Variants in CUX1 observed in about 807,000 individuals in gnomAD.
CUX1 encodes protein CASP.
Under a neutral mutation model 158.8 loss-of-function variants are expected in CUX1, and 31 were observed. The observed-to-expected ratio is 0.20, with a 90% CI of 0.15 to 0.26. CUX1 has a LOEUF of 0.26. Ranked by LOEUF, CUX1 falls within the 10% of genes least tolerant of loss-of-function variation. The pLI, the probability that CUX1 is intolerant of heterozygous loss-of-function variation, is 1.00. For synonymous variants in CUX1, 879 were observed against 862.1 expected (o/e 1.02, Z -0.34); for missense variants, 1,589 against 2,014.6 (o/e 0.79, Z 4.04).
intron 2 of CUX1, among the ~76,000 whole-genome samples, chr7:101,951,754 G>C (rs760586181): frequency 6.6e-6 from 1 of 152,164 alleles, no homozygotes; most frequent in Admixed American, 6.5e-5. Context: ...TGATCCGCCC[G>C]CATCGGCCTC....
At chr7:102,199,217 C>T (rs1357080623) in intron 16 of CUX1, among the ~76,000 whole-genome samples, 1 of 152,224 alleles carries the variant, frequency 6.6e-6, no homozygotes, top group African/African-American at 2.4e-5. Context: ...GGTGACCCGT[C>T]AAATTAAATA....
At chr7:102,186,311 C>T (rs1793613210) in intron 11 of CUX1, among the ~76,000 whole-genome samples, 1 of 152,096 alleles carries the variant, frequency 6.6e-6, no homozygotes, top group Admixed American at 6.6e-5. Flanking sequence ...GCCAAGCAGC[C>T]TCCCCTAGGC....
intron 2 of CUX1, among the ~76,000 whole-genome samples, chr7:102,022,971 T>C (rs1437265486): frequency 6.6e-6 from 1 of 152,102 alleles, no homozygotes; most frequent in Non-Finnish European, 1.5e-5. Flanking sequence ...TCCCAGCACT[T>C]TGGGAGGCCG....
rs1791515327 is a variant in CUX1 at position 102,275,118 on chromosome 7, A to G, written c.1451-129A>G. ...CCGACCTGCCCAGCACCAGGGAGTC[A>G]GACACCATGTGGCTTCTACCCCATG... On this transcript the variant is annotated intron_variant, in intron 16 of 22. Coordinates refer to the CUX1 transcript ENST00000292538. 4 of 659,584 alleles carry G rather than the reference A, an allele frequency of 6.1e-6. No individual in the cohort carries two copies. In the Admixed American group the frequency reaches 8.4e-5, roughly 14 times the overall value. The allele number at this position is 659,584 out of a possible 1,614,324, so 40.9% of individuals were successfully genotyped here.
At position 101,817,639 on chromosome 7, in the gene CUX1, G is replaced by T; in HGVS notation, c.-1G>T. The stretch of plus-strand genomic sequence containing the variant: ...GACAGCCCCGGGACTCTGCCAGGTG[G>T]ATGTTGTGCGTAGCCGGAGCCAGGT... On this transcript the variant is annotated 5_prime_UTR_variant, in exon 1 of 24. Coordinates refer to ENST00000292535, the MANE Select transcript of CUX1 (RefSeq NM_181552.4). This position sits in a 1 kb window ranked among gnomAD's most constrained non-coding sequence, Gnocchi z 4.1. 6.4e-7 allele frequency: 1 copy of T among 1,551,564 alleles called. No individual in the cohort carries two copies. Among genetic ancestry groups the T allele is most frequent in the Non-Finnish European group, 8.7e-7 (1 of 1,147,534 alleles).
At chr7:101,973,061 C>G (rs999147742) in intron 2 of CUX1, among the ~76,000 whole-genome samples, 1 of 152,192 alleles carries the variant, frequency 6.6e-6, no homozygotes. Context: ...GCCGAAATCC[C>G]CGCATGCACC....
Position 101,916,031 on chromosome 7 carries a change from T to C in CUX1, c.31-84T>C, listed in dbSNP as rs868025598. ...AGAGCCACTGGGGTCTCTCCCCCAG[T>C]GTTCTGGTCAAATGCAAATAGGACC... is the stretch of plus-strand genomic sequence containing the variant. On this transcript the variant is annotated intron_variant, in intron 1 of 23. Transcript: ENST00000292535. The surrounding 1 kb of genome is among the most constrained non-coding windows in gnomAD (Gnocchi z 4.4). 6.2e-5 allele frequency: 57 copies of C among 924,226 alleles called. No individual in the cohort carries two copies. In the Middle Eastern group the frequency reaches 2.6e-3, roughly 42 times the overall value. 57.3% of individuals were successfully genotyped at this position (924,226 alleles called of 1,614,324 possible).
At chr7:102,043,377 C>T (rs1180384721) in intron 3 of CUX1, among the ~76,000 whole-genome samples, 3 of 126,638 alleles carry the variant, frequency 2.4e-5, no homozygotes, top group African/African-American at 5.8e-5. Context: ...GTGTTGAGAA[C>T]ACTTGAGATC....
chr7:102,148,160 G>A (rs920304838), intron 8 of CUX1, among the ~76,000 whole-genome samples: 7 of 152,154 alleles, frequency 4.6e-5, no homozygotes, highest in Non-Finnish European at 8.8e-5. Flanking sequence ...GAGTGTGGCT[G>A]TGGAGAGGCC....
intron 1 of CUX1, among the ~76,000 whole-genome samples, chr7:101,853,500 T>G (rs1796481994): frequency 6.6e-6 from 1 of 152,150 alleles, no homozygotes. Flanking sequence ...TTTCCCTCTT[T>G]GTTTTGGTCC....
intron 3 of CUX1, among the ~76,000 whole-genome samples, chr7:102,051,164 G>A (rs1823447505): frequency 6.6e-6 from 1 of 152,046 alleles, no homozygotes; most frequent in African/African-American, 2.4e-5. Flanking sequence ...GCAGGTCCCT[G>A]CCCTTCTCTG....
chr7:102,006,126 CT>C (rs1272892694), intron 2 of CUX1, among the ~76,000 whole-genome samples: 3 of 152,150 alleles, frequency 2.0e-5, no homozygotes. Flanking sequence ...AGAGAGCTGC[CT>C]GGGGTTTCCC....
Position 102,248,277 on chromosome 7 carries a change from C to A in CUX1, c.3888-135C>A. 1.3e-6 allele frequency: 1 copy of A among 781,340 alleles called. No individual in the cohort carries two copies. The highest frequency in any genetic ancestry group is 1.9e-6 in the Non-Finnish European group (1 of 520,224). The allele number at this position is 781,340 out of a possible 1,614,324, so 48.4% of individuals were successfully genotyped here. A position where few individuals can be genotyped will look rare whatever the true frequency, so the allele number is the denominator to read the frequency against. On this transcript the variant is annotated intron_variant, in intron 23 of 23. Transcript: ENST00000292535. The surrounding 1 kb of genome is among the most constrained non-coding windows in gnomAD (Gnocchi z 5.8). ...AGGGGCTGCCCCGTGGCCCGAGGGT[C>A]GCTGGAGGGGCACGGAGGGGCCTCC...
At chr7:102,034,746 C>T (rs1354024505) in intron 3 of CUX1, among the ~76,000 whole-genome samples, 1 of 85,964 alleles carries the variant, frequency 1.2e-5, no homozygotes, top group Non-Finnish European at 2.2e-5. Context: ...AGAGAGACTC[C>T]GTCTCAAAAA....
intron 2 of CUX1, among the ~76,000 whole-genome samples, chr7:101,988,586 G>A (rs1388134914): frequency 6.6e-6 from 1 of 152,028 alleles, no homozygotes; most frequent in African/African-American, 2.4e-5. Context: ...CTTCTCTGGG[G>A]TATGTCCTCG....
At chr7:102,119,337 C>G (rs1443965997) in intron 8 of CUX1, among the ~76,000 whole-genome samples, 3 of 152,142 alleles carry the variant, frequency 2.0e-5, no homozygotes, top group Non-Finnish European at 4.4e-5. Flanking sequence ...GAGGCTGCTC[C>G]GAGACCCCGG....
intron 4 of CUX1, among the ~76,000 whole-genome samples, chr7:102,085,917 T>G (rs1284154601): frequency 6.6e-6 from 1 of 152,216 alleles, no homozygotes; most frequent in African/African-American, 2.4e-5. Context: ...TATGGCAAGT[T>G]TTTAAATTAC....
intron 8 of CUX1, among the ~76,000 whole-genome samples, chr7:102,117,476 G>A: frequency 6.6e-6 from 1 of 151,608 alleles, no homozygotes; most frequent in East Asian, 1.9e-4. Flanking sequence ...GTACCGGCAG[G>A]GTTTCCACGC....
At position 102,250,523 on chromosome 7, in the gene CUX1, A is replaced by G; in HGVS notation, c.*1481A>G. On this transcript the variant is annotated 3_prime_UTR_variant, in exon 24 of 24. Transcript: ENST00000292535. ...GATGACCCTGTTGAACTCGTGGGAA[A>G]CTTCCTTTCTCTGCAGGAGAGAGAA... 1 of 985,426 alleles carries G rather than the reference A, an allele frequency of 1.0e-6. No homozygotes were observed. The highest frequency in any genetic ancestry group is 1.2e-6 in the Non-Finnish European group (1 of 829,938). The allele number at this position is 985,426 out of a possible 1,614,324, so 61.0% of individuals were successfully genotyped here.
Sources: gnomAD v4.1 joint callset for allele counts (sites outside exome capture counted in the v4.1 genomes callset) on GRCh38, gnomAD v4.1.1 for gene constraint, Gnocchi (gnomAD v3.1) non-coding constraint, MANE v1.5 for transcripts, NCBI Gene and HGNC (gene_info 2026-07-23, HGNC 2026-07-21) for gene names.